The following GREM2 variants were observed in gnomAD, a reference collection of about 807,000 sequenced individuals.
GREM2 encodes gremlin 2, DAN family BMP antagonist.
A neutral mutation model predicts 14.2 loss-of-function variants in GREM2; 11 were observed. The observed-to-expected ratio is 0.78, with a 90% CI of 0.49 to 1.28. The LOEUF is 1.28. Ranked by LOEUF, GREM2 falls within the 50% of genes most tolerant of loss-of-function variation. The probability of loss-of-function intolerance (pLI) is 0.00; values close to 1 mark genes in which losing one functional copy is unlikely to be tolerated. For missense variants in GREM2, 210 were observed against 218.5 expected (o/e 0.96, Z 0.24); for synonymous variants, 98 against 97.6 (o/e 1.00, Z -0.02).
chr1:240,544,151 C>CTT (rs61269911), intron 1 of GREM2, among the ~76,000 whole-genome samples: 24,281 of 137,330 alleles, frequency 0.18, 2,910 homozygotes, highest in African/African-American at 0.33. Context: ...AGCACTAGGC[C>CTT]TTTTTTTTTT....
At chr1:240,571,830 T>C (rs1466766167) in intron 1 of GREM2, among the ~76,000 whole-genome samples, 1 of 152,196 alleles carries the variant, frequency 6.6e-6, no homozygotes, top group Non-Finnish European at 1.5e-5. Context: ...ACCAGTCACT[T>C]CCCAGCATTC....
At position 240,492,976 on chromosome 1, in the gene GREM2, T is replaced by C; in HGVS notation, c.500A>G (p.Lys167Arg). 6.5e-7 allele frequency: 1 copy of C among 1,538,966 alleles called. No individual in the cohort carries two copies. The highest frequency in any genetic ancestry group is 8.8e-7 in the Non-Finnish European group (1 of 1,138,070). ...CMSVNLSDSDKQ is the reference protein window; with the variant it reads ...CMSVNLSDSDRQ ...CTGCGTCCGGCCCGGCGCTCACTGC[T>C]TGTCCGAGTCGCTCAGGTTCACGGA... The change falls in exon 2 of 2, where the codon AAG becomes AGG. Residue 167 changes from lysine to arginine, a missense_variant. Coordinates refer to ENST00000318160, the MANE Select transcript of GREM2 (RefSeq NM_022469.4).
At chr1:240,501,185 A>G (rs1677562565) in intron 1 of GREM2, among the ~76,000 whole-genome samples, 1 of 152,210 alleles carries the variant, frequency 6.6e-6, no homozygotes, top group African/African-American at 2.4e-5. Context: ...ATATGAGGAA[A>G]GGAAAAATAA....
At chr1:240,592,336 A>T (rs974770218) in intron 1 of GREM2, among the ~76,000 whole-genome samples, 8 of 152,186 alleles carry the variant, frequency 5.3e-5, no homozygotes, top group Admixed American at 5.2e-4. Flanking sequence ...ACAACGAGAT[A>T]CCATCATAAC....
At chr1:240,502,052 A>AC (rs753442954) in intron 1 of GREM2, among the ~76,000 whole-genome samples, 7 of 151,654 alleles carry the variant, frequency 4.6e-5, no homozygotes, top group Non-Finnish European at 8.8e-5. Context: ...CAGCCCAAAG[A>AC]CCCCCTCTTC....
chr1:240,519,223 G>A (rs1678020491), intron 1 of GREM2, among the ~76,000 whole-genome samples: 1 of 152,116 alleles, frequency 6.6e-6, no homozygotes, highest in African/African-American at 2.4e-5. Context: ...CTCTTAGACT[G>A]GATATAAAAT....
Position 240,541,120 on chromosome 1 carries a change from A to G in GREM2, c.-1-47644T>C, listed in dbSNP as rs186365593. Among the ~76,000 whole-genome samples, 13 of 152,298 alleles carry G rather than the reference A, an allele frequency of 8.5e-5. No homozygotes were observed. The East Asian group carries it at 2.5e-3, about 29-fold the overall frequency. On this transcript the variant is annotated intron_variant, in intron 1 of 1. Coordinates refer to ENST00000318160, the MANE Select transcript of GREM2 (RefSeq NM_022469.4). Reference sequence around the variant, plus strand: ...TAAACCCTTTTGAAACTTCCCTGGGATAAAAGGGTGGGATCCGTATGAATA... The same window carrying G: ...TAAACCCTTTTGAAACTTCCCTGGGGTAAAAGGGTGGGATCCGTATGAATA...
At chr1:240,607,304 G>A (rs777825945) in intron 1 of GREM2, among the ~76,000 whole-genome samples, 2 of 151,808 alleles carry the variant, frequency 1.3e-5, no homozygotes, top group African/African-American at 2.4e-5. Flanking sequence ...GCAAACCCAG[G>A]TCTCCTGAGT....
chr1:240,507,102 G>A (rs1572369222), intron 1 of GREM2, among the ~76,000 whole-genome samples: 1 of 152,200 alleles, frequency 6.6e-6, no homozygotes, highest in African/African-American at 2.4e-5. Flanking sequence ...TATGGCACAA[G>A]GAATAAAAGA....
intron 1 of GREM2, among the ~76,000 whole-genome samples, chr1:240,585,766 AG>A (rs1679587778): frequency 6.7e-6 from 1 of 150,144 alleles, no homozygotes; most frequent in South Asian, 2.1e-4. Context: ...AGAGAAAGAA[AG>A]TTCCAACCAG....
At chr1:240,500,285 TTG>T (rs1028032354) in intron 1 of GREM2, among the ~76,000 whole-genome samples, 3 of 151,074 alleles carry the variant, frequency 2.0e-5, no homozygotes, top group Admixed American at 1.3e-4. Flanking sequence ...CAGAGTATGT[TTG>T]TGTGTGTGGA....
intron 1 of GREM2, among the ~76,000 whole-genome samples, chr1:240,537,083 T>C (rs1441795181): frequency 6.6e-6 from 1 of 152,082 alleles, no homozygotes; most frequent in African/African-American, 2.4e-5. Context: ...TAAATACAGA[T>C]TTTTTTCCCC....
intron 1 of GREM2, chr1:240,530,777 G>A (rs945921026): frequency 1.3e-5 from 2 of 152,170 alleles, no homozygotes; most frequent in Non-Finnish European, 2.9e-5. Context: ...CAAGCCAAAC[G>A]CTATTCCTTC....
chr1:240,526,540 A>C (rs1036376040), intron 1 of GREM2, among the ~76,000 whole-genome samples: 3 of 152,158 alleles, frequency 2.0e-5, no homozygotes, highest in Non-Finnish European at 4.4e-5. Flanking sequence ...GCCACGGCCT[A>C]GATCAGGTTA....
intron 1 of GREM2, among the ~76,000 whole-genome samples, chr1:240,532,336 G>T (rs7547238): frequency 0.42 from 63,817 of 151,856 alleles, 13,949 homozygotes; most frequent in East Asian, 0.58. Flanking sequence ...CACCTGCCTC[G>T]GCCTCCCAAA....
intron 1 of GREM2, among the ~76,000 whole-genome samples, chr1:240,510,282 A>C (rs1266821191): frequency 7.2e-6 from 1 of 139,272 alleles, no homozygotes; most frequent in East Asian, 2.5e-4. Context: ...AGGCAGGAGA[A>C]TGGCGTGAAC....
chr1:240,608,819 G>A (rs906382447), intron 1 of GREM2, among the ~76,000 whole-genome samples: 5 of 152,182 alleles, frequency 3.3e-5, no homozygotes, highest in African/African-American at 9.7e-5. Flanking sequence ...CCAAAGGGAA[G>A]AGGGCACTTC....
At chr1:240,569,251 C>T (rs1679218457) in intron 1 of GREM2, among the ~76,000 whole-genome samples, 1 of 152,130 alleles carries the variant, frequency 6.6e-6, no homozygotes, top group South Asian at 2.1e-4. Flanking sequence ...CTGAAACACT[C>T]AGGATTATTA....
intron 1 of GREM2, among the ~76,000 whole-genome samples, chr1:240,574,704 T>G (rs978343009): frequency 6.6e-6 from 1 of 152,128 alleles, no homozygotes; most frequent in Non-Finnish European, 1.5e-5. Context: ...TGGATGATTT[T>G]GGAACAGTCT....
Sources: gnomAD v4.1 joint callset for allele counts (sites outside exome capture counted in the v4.1 genomes callset) on GRCh38, gnomAD v4.1.1 for gene constraint, MANE v1.5 for transcripts, NCBI Gene and HGNC (gene_info 2026-07-23, HGNC 2026-07-21) for gene names.